The following NEK6 variants were observed in gnomAD, a reference collection of about 807,000 sequenced individuals.
The protein encoded by NEK6 is NIMA related kinase 6.
A neutral mutation model predicts 43.5 loss-of-function variants in NEK6; 27 were observed. That is an observed-to-expected ratio of 0.62 (90% CI 0.46 to 0.86). The LOEUF (loss-of-function observed/expected upper bound fraction) is 0.86. Ranked by LOEUF, NEK6 falls within the 40% of genes least tolerant of loss-of-function variation. The pLI, the probability that NEK6 is intolerant of heterozygous loss-of-function variation, is 0.00. For missense variants in NEK6, 318 were observed against 414.4 expected, an observed-to-expected ratio of 0.77 and a Z score of 2.02; for synonymous variants, 167 against 164.1, an observed-to-expected ratio of 1.02 and a Z score of -0.14.
At chr9:124,273,674 T>C (rs1163895618) in intron 1 of NEK6, among the ~76,000 whole-genome samples, 2 of 152,114 alleles carry the variant, frequency 1.3e-5, no homozygotes, top group African/African-American at 4.8e-5. Context: ...ATTCACGAAA[T>C]GGTGAGCTGG....
At chr9:124,269,797 TTTG>T (rs924033223) in intron 1 of NEK6, among the ~76,000 whole-genome samples, 2 of 152,080 alleles carry the variant, frequency 1.3e-5, no homozygotes, top group African/African-American at 4.8e-5. Flanking sequence ...TGCCCTTCTC[TTTG>T]TTGTTGGTTT....
intron 1 of NEK6, chr9:124,292,560 G>GAAGC: frequency 6.5e-7 from 1 of 1,536,766 alleles, no homozygotes; most frequent in Non-Finnish European, 8.7e-7. Flanking sequence ...TACAAACACC[G>GAAGC]AAGCCCTCCA....
chr9:124,313,033 G>A (rs958865576), intron 3 of NEK6, among the ~76,000 whole-genome samples: 2 of 152,150 alleles, frequency 1.3e-5, no homozygotes, highest in Admixed American at 6.5e-5. Flanking sequence ...TTGCGCCTGC[G>A]GTTGCTCCAC....
intron 1 of NEK6, among the ~76,000 whole-genome samples, chr9:124,263,479 C>T (rs1831113123): frequency 6.6e-6 from 1 of 152,228 alleles, no homozygotes; most frequent in Non-Finnish European, 1.5e-5. Context: ...ATATTATGAC[C>T]TCAGAAGCTT....
At position 124,257,983 on chromosome 9, in the gene NEK6, C is replaced by T. The variant is rs1830872978; in HGVS notation, c.-132C>T. The T allele has an allele frequency of 1.1e-5, 11 of 978,830 alleles. No homozygotes were observed. Among genetic ancestry groups the T allele is most frequent in the Middle Eastern group, 5.3e-4 (1 of 1,904 alleles). 60.6% of individuals were successfully genotyped at this position (978,830 alleles called of 1,614,324 possible). Reference sequence around the variant, plus strand: ...GCGGCGGCGGAACCGAGCTGACGGGCGTGCGGCCGCTGCGCCGCAAACTCG... The same window carrying T: ...GCGGCGGCGGAACCGAGCTGACGGGTGTGCGGCCGCTGCGCCGCAAACTCG... On this transcript the variant is annotated 5_prime_UTR_variant, in exon 1 of 10. Transcript: ENST00000320246.
chr9:124,341,574 TTGAA>T (rs1829631923), intron 8 of NEK6, among the ~76,000 whole-genome samples: 1 of 152,098 alleles, frequency 6.6e-6, no homozygotes, highest in South Asian at 2.1e-4. Flanking sequence ...GAGGAGCTCT[TTGAA>T]TGAGGACCTA....
At position 124,321,507 on chromosome 9, in the gene NEK6, G is replaced by A. The variant is rs1415316825; in HGVS notation, c.343G>A (p.Asp115Asn). The A allele has an allele frequency of 1.9e-6, 3 of 1,614,112 alleles. No individual in the cohort carries two copies. The East Asian group carries it at 6.7e-5, about 36-fold the overall frequency. ...IIKYLDSFIE[D>N]NELNIVLELA... ...CAAGTATTTGGACTCGTTTATCGAA[G>A]ACAACGAGCTGAACATTGTGCTGGA... The change falls in exon 5 of 10, where the codon GAC (aspartate) becomes AAC (asparagine). Residue 115 changes from aspartate to asparagine, a missense_variant. By Grantham distance (23) the Asp-to-Asn change is conservative (BLOSUM62 1). Around this residue, in one of 2 missense-constraint regions of NEK6, gnomAD observed 239 missense variants for 344.4 expected, o/e 0.69. Coordinates refer to ENST00000320246, the MANE Select transcript of NEK6 (RefSeq NM_014397.6).
intron 2 of NEK6, among the ~76,000 whole-genome samples, chr9:124,302,667 C>T (rs79718638): frequency 0.15 from 23,027 of 152,238 alleles, 1,908 homozygotes; most frequent in African/African-American, 0.22. Flanking sequence ...GGGCCTGGCA[C>T]GCCCTCTCTG....
At position 124,312,511 on chromosome 9, in the gene NEK6, G is replaced by A. The variant is rs1833586636; in HGVS notation, c.93G>A (p.Arg31=). The A allele has an allele frequency of 1.2e-6, 2 of 1,613,398 alleles. No individual in the cohort carries two copies. The highest frequency in any genetic ancestry group is 1.3e-5 in the African/African-American group (1 of 75,048). Residue 31 remains arginine (R), a splice_region_variant and synonymous_variant, in exon 3 of 10, where the codon AGG becomes AGA. Coordinates refer to ENST00000320246, the MANE Select transcript of NEK6 (RefSeq NM_014397.6). The part of the protein sequence containing the change: ...LGPVHPPDPQ[R]HPNTLSFRCS... The stretch of plus-strand genomic sequence containing the variant: ...AGGCCCTCTGTCCCCCGTTCCAGAG[G>A]CATCCCAACACGCTGTCTTTTCGCT...
At chr9:124,298,888 C>T (rs1294379550) in intron 1 of NEK6, among the ~76,000 whole-genome samples, 3 of 152,160 alleles carry the variant, frequency 2.0e-5, no homozygotes, top group Non-Finnish European at 2.9e-5. Context: ...GATCAGGGCC[C>T]TGCAATTATT....
chr9:124,333,579 G>C (rs1829130692), intron 7 of NEK6, among the ~76,000 whole-genome samples: 3 of 152,168 alleles, frequency 2.0e-5, no homozygotes, highest in African/African-American at 7.2e-5. Flanking sequence ...GCGTCTGAAA[G>C]AGTGAGGTGG....
At chr9:124,342,828 A>T (rs577123977) in intron 8 of NEK6, among the ~76,000 whole-genome samples, 1 of 152,330 alleles carries the variant, frequency 6.6e-6, no homozygotes, top group Admixed American at 6.5e-5. Flanking sequence ...ACATAAACAC[A>T]CACACAGCAT....
intron 1 of NEK6, among the ~76,000 whole-genome samples, chr9:124,282,477 T>G (rs1363466567): frequency 6.6e-6 from 1 of 152,158 alleles, no homozygotes; most frequent in African/African-American, 2.4e-5. Flanking sequence ...GACAAGGGTT[T>G]GGGGGGAACA....
At chr9:124,342,236 C>T (rs1237490713) in intron 8 of NEK6, among the ~76,000 whole-genome samples, 1 of 152,236 alleles carries the variant, frequency 6.6e-6, no homozygotes, top group African/African-American at 2.4e-5. Flanking sequence ...ATCGTTCACC[C>T]GGTGTCAGAT....
chr9:124,298,367 G>A (rs547658037), intron 1 of NEK6, among the ~76,000 whole-genome samples: 7 of 152,226 alleles, frequency 4.6e-5, no homozygotes, highest in East Asian at 1.9e-4. Flanking sequence ...TAACGGTGCC[G>A]CAGGTTCCAT....
Position 124,312,525 on chromosome 9 carries a change from T to C in NEK6, c.107T>C (p.Leu36Pro). The change falls in exon 3 of 10, where the codon CTG (leucine) becomes CCG (proline). Residue 36 changes from leucine to proline, a missense_variant. Leu to Pro is a moderately conservative substitution (Grantham distance 98). Coordinates refer to ENST00000320246, the MANE Select transcript of NEK6 (RefSeq NM_014397.6). ...CCGTTCCAGAGGCATCCCAACACGC[T>C]GTCTTTTCGCTGCTCGCTGGCGGAC... ...PPDPQRHPNT[L>P]SFRCSLADFQ... The C allele has an allele frequency of 1.9e-6, 3 of 1,614,022 alleles. No homozygotes were observed. The highest frequency in any genetic ancestry group is 2.5e-6 in the Non-Finnish European group (3 of 1,179,940).
chr9:124,343,902 C>T lies in NEK6; in HGVS notation c.718-3807C>T, dbSNP rs186667873. Among the ~76,000 whole-genome samples, 6 of 152,338 alleles carry T rather than the reference C, an allele frequency of 3.9e-5. No individual in the cohort carries two copies. Among genetic ancestry groups the T allele is most frequent in the Admixed American group, 2.0e-4 (3 of 15,310 alleles). On this transcript the variant is annotated intron_variant, in intron 8 of 9. Transcript: ENST00000320246. The surrounding 1 kb of genome is among the most constrained non-coding windows in gnomAD (Gnocchi z 5.1). ...GCTGCAGTGACAGATGCCACCACGCCGATGGCTTCAAGCAACATAAGTTTA... is the reference window on the plus strand; with the variant it reads ...GCTGCAGTGACAGATGCCACCACGCTGATGGCTTCAAGCAACATAAGTTTA...
At position 124,314,002 on chromosome 9, in the gene NEK6, G is replaced by A. The variant is rs150915044; in HGVS notation, c.294+17G>A. ...CTCTTGAAGGTGAGCACCCTGGGCC[G>A]AGCGGGAGCTTTGCCTCCTCGGGGA... On this transcript the variant is annotated intron_variant, in intron 4 of 9. Coordinates refer to ENST00000320246, the MANE Select transcript of NEK6 (RefSeq NM_014397.6). The A allele has an allele frequency of 3.3e-4, 525 of 1,613,204 alleles. No individual in the cohort carries two copies. The highest frequency in any genetic ancestry group is 4.1e-4 in the Non-Finnish European group (482 of 1,179,416).
At position 124,324,217 on chromosome 9, in the gene NEK6, CAT is replaced by C. The variant is rs1834219649; in HGVS notation, c.406-2111_406-2110del. Among the ~76,000 whole-genome samples the C allele has an allele frequency of 6.6e-6, 1 of 152,242 alleles. No individual in the cohort carries two copies. Among genetic ancestry groups the C allele is most frequent in the African/African-American group, 2.4e-5 (1 of 41,470 alleles). On this transcript the variant is annotated intron_variant, in intron 5 of 9. Transcript: ENST00000320246. The surrounding 1 kb of genome is among the most constrained non-coding windows in gnomAD (Gnocchi z 5.3). Reference sequence around the variant, plus strand: ...TGTGCCTCAGTTGCCTCATCTGTAACATACCAGCACAATGCCTGGGGTTTGGT... The same window carrying C: ...TGTGCCTCAGTTGCCTCATCTGTAACACCAGCACAATGCCTGGGGTTTGGT...
Sources: allele counts gnomAD v4.1 joint callset (sites outside exome capture counted in the v4.1 genomes callset), GRCh38; gene constraint gnomAD v4.1.1; regional missense constraint gnomAD v4.1.1; non-coding constraint Gnocchi (gnomAD v3.1); transcripts MANE v1.5; gene names NCBI Gene and HGNC (gene_info 2026-07-23, HGNC 2026-07-21).